The following SP140 variants were observed in gnomAD, a reference collection of about 807,000 sequenced individuals.
The protein encoded by SP140 is nuclear body protein SP140.
Under a neutral mutation model 125.0 loss-of-function variants are expected in SP140, and 81 were observed. The observed-to-expected ratio is 0.65, with a 90% CI of 0.54 to 0.78. The LOEUF (loss-of-function observed/expected upper bound fraction) is 0.78. SP140 is among the 30% of genes least tolerant of loss of function. The pLI is 0.00. For missense variants in SP140, 858 were observed against 1,037.0 expected (o/e 0.83, Z 2.37); for synonymous variants, 312 against 354.0 (o/e 0.88, Z 1.33).
rs73104245 is a variant in SP140, at chr2:230,251,304, C to T, written c.1057+243C>T. On this transcript the variant is annotated intron_variant, in intron 10 of 26. Coordinates refer to ENST00000392045, the MANE Select transcript of SP140 (RefSeq NM_007237.5). ...TTGAACATATGTGTTTAGATAATCA[C>T]GTGGTAGTTGGATTATGTCAAGGCA... 1.7e-3 allele frequency among the ~76,000 whole-genome samples: 258 copies of T among 152,212 alleles called. 1 individual carries two copies. Among genetic ancestry groups the T allele is most frequent in the African/African-American group, 5.7e-3 (238 of 41,534 alleles).
chr2:230,312,841 A>T lies in SP140; in HGVS notation c.*157A>T. 1 of 576,890 alleles carries T rather than the reference A, an allele frequency of 1.7e-6. No individual in the cohort carries two copies. Among genetic ancestry groups the T allele is most frequent in the Non-Finnish European group, 3.1e-6 (1 of 319,374 alleles). The allele number at this position is 576,890 out of a possible 1,614,324, so 35.7% of individuals were successfully genotyped here. ...ATCTGCCCAAAGACAAATCCTCAAA[A>T]GGAAATTCAATCATCATGAATCACA... On this transcript the variant is annotated 3_prime_UTR_variant, in exon 27 of 27. Transcript: ENST00000392045.
chr2:230,220,078 G>C (rs1055752958), intron 3 of SP140: 1 of 985,448 alleles, frequency 1.0e-6, no homozygotes, highest in South Asian at 4.7e-5. Context: ...GCAGGTCGGT[G>C]CCTGCAGCCT....
At chr2:230,311,756 G>A (rs2059349228) in intron 26 of SP140, among the ~76,000 whole-genome samples, 161 bp downstream of exon 26, 2 of 152,162 alleles carry the variant, frequency 1.3e-5, no homozygotes, top group Non-Finnish European at 2.9e-5. Flanking sequence ...GCTCTTCTTA[G>A]CAAAGAAACA....
At chr2:230,193,438 GT>G in the SP140 span, among the ~76,000 whole-genome samples, 1 of 152,134 alleles carries the variant, frequency 6.6e-6, no homozygotes, top group Non-Finnish European at 1.5e-5. Flanking sequence ...TTGTGTTATT[GT>G]TTTATAGACC....
chr2:230,304,008 A>C (rs2149570081), intron 22 of SP140, among the ~76,000 whole-genome samples: 1 of 152,306 alleles, frequency 6.6e-6, no homozygotes, highest in South Asian at 2.1e-4. Context: ...GAAAACCCTA[A>C]GGACTCATCC....
At position 230,214,863 on chromosome 2, in the gene SP140, G is replaced by A. The variant is rs750749156; in HGVS notation, c.-91+789G>A. ...CCCAGAGAGAAGGCGGGGGATTAAC[G>A]TGCATATTCCACAGGGCTAGAAGTA... On this transcript the variant is annotated intron_variant, in intron 3 of 4. Coordinates refer to the SP140 transcript ENST00000456542. The A allele has an allele frequency of 3.6e-5, 39 of 1,094,768 alleles. 1 individual carries two copies. The highest frequency in any genetic ancestry group is 4.4e-5 in the Non-Finnish European group (31 of 710,238). 67.8% of individuals were successfully genotyped at this position (1,094,768 alleles called of 1,614,324 possible).
chr2:230,280,076 T>C (rs1269274264), intron 15 of SP140, among the ~76,000 whole-genome samples: 2 of 152,204 alleles, frequency 1.3e-5, no homozygotes, highest in African/African-American at 2.4e-5. Flanking sequence ...TTGTTTAAAT[T>C]TGTGTCCATA....
At chr2:230,271,034 G>C (rs2053846643) in intron 15 of SP140, among the ~76,000 whole-genome samples, 1 of 152,166 alleles carries the variant, frequency 6.6e-6, no homozygotes, top group African/African-American at 2.4e-5. Flanking sequence ...AGGAATATGG[G>C]TGACCTCTAG....
chr2:230,283,064 G>A (rs2055839231), intron 15 of SP140, among the ~76,000 whole-genome samples: 1 of 152,184 alleles, frequency 6.6e-6, no homozygotes, highest in Admixed American at 6.5e-5. Flanking sequence ...TGGAGACTAT[G>A]TCTAGAGGGT....
At chr2:230,305,627 A>T (rs893228780) in intron 22 of SP140, among the ~76,000 whole-genome samples, 65 of 152,172 alleles carry the variant, frequency 4.3e-4, no homozygotes, top group Non-Finnish European at 5.1e-4. Flanking sequence ...CCCAAGATGG[A>T]GCTGGGCCAG....
chr2:230,229,340 G>T (rs2046904261), intron 1 of SP140, among the ~76,000 whole-genome samples: 1 of 151,264 alleles, frequency 6.6e-6, no homozygotes, highest in South Asian at 2.1e-4. Flanking sequence ...ACTTGGAGTA[G>T]GAAAAATGAA....
chr2:230,253,256 A>G (rs2050651119), intron 10 of SP140, 60 bp from the exon 11 acceptor site: 3 of 1,244,932 alleles, frequency 2.4e-6, no homozygotes, highest in African/African-American at 1.5e-5. Flanking sequence ...GCATTTTCCC[A>G]TCTTGGATGG....
In SP140 at chr2:230,243,218, C is replaced by T. The variant is rs533348934; in HGVS notation, c.491-513C>T. Among the ~76,000 whole-genome samples the T allele has an allele frequency of 1.5e-4, 23 of 152,280 alleles. No homozygotes were observed. The South Asian group carries it at 4.6e-3, about 30-fold the overall frequency. ...GCCTTATTTAGAATTGTTTTCCTGT[C>T]CCACTATCCTCCATTTACCCTTCTC... On this transcript the variant is annotated intron_variant, in intron 4 of 26. Coordinates refer to ENST00000392045, the MANE Select transcript of SP140 (RefSeq NM_007237.5).
intron 1 of SP140, among the ~76,000 whole-genome samples, chr2:230,231,837 G>A (rs574560935): frequency 6.6e-6 from 1 of 152,214 alleles, no homozygotes; most frequent in South Asian, 2.1e-4. Flanking sequence ...CTCCTGAGTA[G>A]CAGAGATTAC....
the SP140 span, among the ~76,000 whole-genome samples, chr2:230,196,099 T>G: frequency 6.6e-6 from 1 of 152,180 alleles, no homozygotes; most frequent in Non-Finnish European, 1.5e-5. Context: ...AGGAAATGAA[T>G]ACTCATATAT....
rs2260512 is a variant in SP140 at position 230,311,865 on chromosome 2, A to G, written c.2505+270A>G. Among the ~76,000 whole-genome samples, 59 of 152,280 alleles carry G rather than the reference A, an allele frequency of 3.9e-4. No homozygotes were observed. In the East Asian group the frequency reaches 4.1e-3, roughly 10 times the overall value. On this transcript the variant is annotated intron_variant, in intron 26 of 26. Transcript: ENST00000392045. ...ACAGGAGCTCAGAGAGAGCAATTGA[A>G]TCCTGCCTGCTGCAGCATATAAAGA...
At chr2:230,216,814 T>TA in intron 3 of SP140, 4 of 1,614,054 alleles carry the variant, frequency 2.5e-6, no homozygotes, top group Non-Finnish European at 3.4e-6. Flanking sequence ...TGGAGTTGTC[T>TA]AGGAGGCCTT....
At chr2:230,217,774 G>T (rs1276615985) in intron 3 of SP140, among the ~76,000 whole-genome samples, 1 of 152,244 alleles carries the variant, frequency 6.6e-6, no homozygotes, top group East Asian at 1.9e-4. Flanking sequence ...GGTTAAACAA[G>T]ATGACCTGGG....
At chr2:230,311,311 A>T (rs1382893830) in intron 25 of SP140, 80 bp downstream of exon 25, 1 of 1,611,984 alleles carries the variant, frequency 6.2e-7, no homozygotes, top group Non-Finnish European at 8.5e-7. Flanking sequence ...GAGATTTGTG[A>T]TCTTAATCCC....
Sources: gnomAD v4.1 joint callset for allele counts (sites outside exome capture counted in the v4.1 genomes callset) on GRCh38, gnomAD v4.1.1 for gene constraint, MANE v1.5 for transcripts, NCBI Gene and HGNC (gene_info 2026-07-23, HGNC 2026-07-21) for gene names.